Variants in ITGA1 observed in about 807,000 individuals in gnomAD.
ITGA1 encodes the protein integrin subunit alpha 1.
A neutral mutation model predicts 145.9 loss-of-function variants in ITGA1; 85 were observed. That is an observed-to-expected ratio of 0.58 (90% CI 0.49 to 0.70). ITGA1 has a LOEUF of 0.70. ITGA1 is among the 30% of genes least tolerant of loss of function. The pLI is 0.00. For synonymous variants in ITGA1, 520 were observed against 495.3 expected, an observed-to-expected ratio of 1.05 and a Z score of -0.66; for missense variants, 1,351 against 1,418.7, an observed-to-expected ratio of 0.95 and a Z score of 0.77.
chr5:52,939,853 G>A lies in ITGA1; in HGVS notation c.3194G>A (p.Cys1065Tyr), dbSNP rs761657039. ...KRGTILDCNT[C>Y]KFATITCNLT... ...ACATTTAAACAGGACTGCAATACATGTAAATTTGCTACCATCACATGTAAT... is the reference window on the plus strand; with the variant it reads ...ACATTTAAACAGGACTGCAATACATATAAATTTGCTACCATCACATGTAAT... The change falls in exon 26 of 29, where the codon TGT (cysteine) becomes TAT (tyrosine). Residue 1065 changes from cysteine (C) to tyrosine (Y), a missense_variant. Coordinates refer to ENST00000282588, the MANE Select transcript of ITGA1 (RefSeq NM_181501.2). The A allele has an allele frequency of 1.2e-6, 2 of 1,607,898 alleles. No homozygotes were observed. The highest frequency in any genetic ancestry group is 1.7e-6 in the Non-Finnish European group (2 of 1,174,488).
intron 28 of ITGA1, 88 bp downstream of exon 28, chr5:52,947,549 A>G: frequency 1.3e-6 from 1 of 770,538 alleles, no homozygotes; most frequent in South Asian, 1.5e-5. Context: ...ACTATGTAAT[A>G]TAGTATTATT....
At chr5:52,911,900 T>C (rs1338649755) in intron 14 of ITGA1, among the ~76,000 whole-genome samples, 1 of 119,036 alleles carries the variant, frequency 8.4e-6, no homozygotes, top group African/African-American at 3.0e-5. Flanking sequence ...GCATATCTAA[T>C]ATATAGATAT....
At position 52,909,795 on chromosome 5, in the gene ITGA1, G is replaced by A. The variant is rs1473303808; in HGVS notation, c.1600-367G>A. ...TTTTTTTTTTTTTCCTTCCACTCTA[G>A]GCAGCTTTAGAGAAAGTTTCCTTTC... On this transcript the variant is annotated intron_variant, in intron 13 of 28. Transcript: ENST00000282588. Among the ~76,000 whole-genome samples the A allele has an allele frequency of 2.0e-5, 3 of 149,064 alleles. No homozygotes were observed. The South Asian group carries it at 6.3e-4, about 31-fold the overall frequency.
intron 11 of ITGA1, chr5:52,905,425 A>G (rs1196965174): frequency 5.9e-6 from 1 of 168,816 alleles, no homozygotes; most frequent in Admixed American, 6.1e-5. Flanking sequence ...TAGTGCAGAC[A>G]CATATATCCA....
At chr5:52,881,721 A>G in intron 6 of ITGA1, 152 bp from the exon 7 acceptor site, 1 of 558,026 alleles carries the variant, frequency 1.8e-6, no homozygotes, top group Non-Finnish European at 3.1e-6. Flanking sequence ...CAGAATGGCT[A>G]TGCTTATTAC....
Position 52,939,844 on chromosome 5 carries a change from G to A in ITGA1, c.3185G>A (p.Cys1062Tyr), listed in dbSNP as rs1561255356. The A allele has an allele frequency of 1.9e-6, 3 of 1,595,734 alleles. No individual in the cohort carries two copies. Among genetic ancestry groups the A allele is most frequent in the Non-Finnish European group, 2.6e-6 (3 of 1,163,340 alleles). ...DHLKRGTILD[C>Y]NTCKFATITC... ...TATCTCTGGACATTTAAACAGGACT[G>A]CAATACATGTAAATTTGCTACCATC... Residue 1062 changes from cysteine to tyrosine, a missense_variant, in exon 26 of 29, where the codon TGC becomes TAC. Physicochemically the swap from Cys to Tyr is radical, Grantham distance 194. Coordinates refer to ENST00000282588, the MANE Select transcript of ITGA1 (RefSeq NM_181501.2).
At chr5:52,820,887 G>A (rs748331043) in intron 1 of ITGA1, among the ~76,000 whole-genome samples, 1 of 152,024 alleles carries the variant, frequency 6.6e-6, no homozygotes, top group Non-Finnish European at 1.5e-5. Flanking sequence ...ATTTAAGGTT[G>A]TCTGTTTTGA....
rs567299865 is a variant in ITGA1 at position 52,876,558 on chromosome 5, T to C, written c.625-5315T>C. On this transcript the variant is annotated intron_variant, in intron 6 of 28. Transcript: ENST00000282588. Reference sequence around the variant, plus strand: ...CATTTCCCAGACTTCGTTGTATCTCTCTTTTTCTGCTTATCATTATTTCCC... The same window carrying C: ...CATTTCCCAGACTTCGTTGTATCTCCCTTTTTCTGCTTATCATTATTTCCC... 2.0e-5 allele frequency among the ~76,000 whole-genome samples: 3 copies of C among 152,286 alleles called. No individual in the cohort carries two copies. The East Asian group carries it at 5.8e-4, about 29-fold the overall frequency.
At chr5:52,898,435 C>T in intron 11 of ITGA1, 52 bp downstream of exon 11, 1 of 1,441,286 alleles carries the variant, frequency 6.9e-7, no homozygotes, top group Non-Finnish European at 9.4e-7. Context: ...CCATTTTTTA[C>T]CTTTAGCATT....
rs1351563755 is a variant in ITGA1, at chr5:52,936,076, C to T, written c.2965-1325C>T. On this transcript the variant is annotated intron_variant, in intron 23 of 28. Transcript: ENST00000282588. ...CTGCAAGCTCCGCCTCCCGGGTTCA[C>T]GCCATTCTCCTGCCTCAGCCTCCCA... is the stretch of plus-strand genomic sequence containing the variant. Among the ~76,000 whole-genome samples the T allele has an allele frequency of 1.4e-4, 4 of 28,350 alleles. 2 individuals are homozygous for T. Among genetic ancestry groups the T allele is most frequent in the South Asian group, 3.1e-3 (2 of 644 alleles). The allele number at this position is 28,350 out of a possible 152,430, so 18.6% of individuals were successfully genotyped here.
chr5:52,830,963 A>G (rs986111574), intron 1 of ITGA1, among the ~76,000 whole-genome samples: 2 of 152,122 alleles, frequency 1.3e-5, no homozygotes, highest in African/African-American at 4.8e-5. Context: ...TCAACTTTAA[A>G]TCTGACCTAG....
intron 1 of ITGA1, among the ~76,000 whole-genome samples, chr5:52,832,461 G>A (rs951834859): frequency 1.3e-5 from 2 of 152,126 alleles, no homozygotes; most frequent in Non-Finnish European, 2.9e-5. Context: ...TGAAATGGAA[G>A]GGTCAAATTA....
intron 21 of ITGA1, 175 bp from the exon 22 acceptor site, chr5:52,931,872 C>A: frequency 2.1e-6 from 1 of 476,342 alleles, no homozygotes; most frequent in South Asian, 4.1e-5. Flanking sequence ...GAACTTTCAA[C>A]CATACCAATC....
chr5:52,920,553 CTGTTT>C (rs1180489900), intron 17 of ITGA1, 85 bp downstream of exon 17: 2 of 1,134,346 alleles, frequency 1.8e-6, no homozygotes, highest in Non-Finnish European at 2.4e-6. Context: ...CAAATTCTTA[CTGTTT>C]TATTTCAAAA....
intron 14 of ITGA1, among the ~76,000 whole-genome samples, chr5:52,914,621 C>CTT (rs1196195506): frequency 0.011 from 1,609 of 150,854 alleles, 24 homozygotes; most frequent in African/African-American, 0.036. Context: ...GGGGGAAATA[C>CTT]TTTCAAACGA....
intron 23 of ITGA1, among the ~76,000 whole-genome samples, chr5:52,935,661 C>T (rs1750955355): frequency 6.6e-6 from 1 of 152,102 alleles, no homozygotes; most frequent in Non-Finnish European, 1.5e-5. Context: ...GCATGTGGCA[C>T]ATAGTCAACA....
intron 2 of ITGA1, among the ~76,000 whole-genome samples, chr5:52,860,532 G>A (rs11952083): frequency 0.27 from 41,694 of 152,114 alleles, 5,937 homozygotes; most frequent in South Asian, 0.39. Flanking sequence ...GCAACAGAGC[G>A]AGACTCCGTC....
At chr5:52,947,309 T>C in intron 27 of ITGA1, 36 bp from the exon 28 acceptor site, 4 of 1,285,980 alleles carry the variant, frequency 3.1e-6, no homozygotes, top group Non-Finnish European at 4.5e-6. Flanking sequence ...CTAATAGGTG[T>C]TTATTATGTT....
chr5:52,879,491 T>G (rs1351138), intron 6 of ITGA1, among the ~76,000 whole-genome samples: 1 of 152,008 alleles, frequency 6.6e-6, no homozygotes, highest in Non-Finnish European at 1.5e-5. Flanking sequence ...CAAAGACATG[T>G]GTATCCATGG....
Sources: allele counts gnomAD v4.1 joint callset (sites outside exome capture counted in the v4.1 genomes callset), GRCh38; gene constraint gnomAD v4.1.1; transcripts MANE v1.5; gene names NCBI Gene and HGNC (gene_info 2026-07-23, HGNC 2026-07-21).